TNIP1: variants seen among roughly 807,000 people sequenced by gnomAD.
TNIP1 encodes the protein TNFAIP3-interacting protein 1.
A neutral mutation model predicts 86.6 loss-of-function variants in TNIP1; 22 were observed. The ratio of observed to expected loss-of-function variants is 0.25; its 90% CI spans 0.18 to 0.36. TNIP1 has a LOEUF of 0.36. TNIP1 is among the 10% of genes least tolerant of loss of function. The pLI, the probability that TNIP1 is intolerant of heterozygous loss-of-function variation, is 1.00. For missense variants in TNIP1, 709 were observed against 820.6 expected (o/e 0.86, Z 1.66); for synonymous variants, 294 against 313.0 (o/e 0.94, Z 0.64).
Position 151,063,604 on chromosome 5 carries a change from C to T in TNIP1, c.271+9G>A. Reference sequence around the variant, plus strand: ...GGGAGAGTCAGAGGTACCCAGACTCCTCTTATACCTGTGAGCTCAGCCAGG... The same window carrying T: ...GGGAGAGTCAGAGGTACCCAGACTCTTCTTATACCTGTGAGCTCAGCCAGG... On this transcript the variant is annotated intron_variant, in intron 3 of 17. Transcript: ENST00000521591. The T allele has an allele frequency of 5.6e-6, 9 of 1,613,806 alleles. No individual in the cohort carries two copies. The highest frequency in any genetic ancestry group is 7.6e-6 in the Non-Finnish European group (9 of 1,179,822).
intron 9 of TNIP1, among the ~76,000 whole-genome samples, chr5:151,043,254 G>A (rs1193947180): frequency 2.6e-5 from 4 of 152,168 alleles, no homozygotes; most frequent in African/African-American, 9.7e-5. Context: ...AGGGCAGTCT[G>A]GGATTATGTA....
chr5:151,035,660 C>T lies in TNIP1; in HGVS notation c.1443G>A (p.Glu481=), dbSNP rs1757603416. The T allele has an allele frequency of 6.2e-7, 1 of 1,614,078 alleles. No individual in the cohort carries two copies. Among genetic ancestry groups the T allele is most frequent in the African/African-American group, 1.3e-5 (1 of 74,934 alleles). ...EDFQRERSDR[E]RMNEEKEELK... ...GCTCTTCCTTCTCCTCATTCATGCG[C>T]TCACGATCACTGCGCTCCCTCTGGA... is the stretch of plus-strand genomic sequence containing the variant. Residue 481 remains glutamate (E), a synonymous_variant, in exon 14 of 18, where the codon GAG becomes GAA. Transcript: ENST00000521591.
intron 17 of TNIP1, chr5:151,031,990 T>C (rs1756961239): frequency 6.9e-6 from 2 of 289,586 alleles, no homozygotes; most frequent in Non-Finnish European, 6.4e-6. Context: ...TATTCATTTC[T>C]GCCTCCCTCA....
At chr5:151,033,364 C>T (rs1333289278) in intron 16 of TNIP1, 4 of 381,002 alleles carry the variant, frequency 1.0e-5, no homozygotes, top group Non-Finnish European at 1.9e-5. Flanking sequence ...TGCACTCTTA[C>T]TCAGCCTTCT....
At chr5:151,052,507 C>T (rs906612686) in intron 6 of TNIP1, among the ~76,000 whole-genome samples, 1 of 152,246 alleles carries the variant, frequency 6.6e-6, no homozygotes, top group Non-Finnish European at 1.5e-5. Flanking sequence ...TCCTCCAAGA[C>T]AGACAGCTCC....
chr5:151,048,104 A>G (rs1452160488), intron 8 of TNIP1, among the ~76,000 whole-genome samples: 1 of 152,156 alleles, frequency 6.6e-6, no homozygotes, highest in Non-Finnish European at 1.5e-5. Context: ...GAGAAAGGGG[A>G]CAGACAGGCC....
Position 151,030,728 on chromosome 5 carries a change from A to C in TNIP1, c.1896T>G (p.Arg632=). 2 of 1,611,830 alleles carry C rather than the reference A, an allele frequency of 1.2e-6. No individual in the cohort carries two copies. Among genetic ancestry groups the C allele is most frequent in the Non-Finnish European group, 1.7e-6 (2 of 1,179,324 alleles). ...CAATCTGGTCTCACTGAGGCCCCTC[A>C]CGGTCATTTTTTGGAGACTCTAAAT... is the stretch of plus-strand genomic sequence containing the variant. ...PTEPESPKND[R]EGPQ is the part of the protein sequence containing the mutation. Residue 632 remains arginine (R), a synonymous_variant, in exon 18 of 18, where the codon CGT becomes CGG. Transcript: ENST00000521591.
At chr5:151,043,245 G>C (rs1266892844) in intron 9 of TNIP1, among the ~76,000 whole-genome samples, 1 of 152,188 alleles carries the variant, frequency 6.6e-6, no homozygotes, top group Non-Finnish European at 1.5e-5. Context: ...CCTCTTTGGA[G>C]GGCAGTCTGG....
intron 17 of TNIP1, chr5:151,032,066 C>T (rs1460233420): frequency 1.8e-6 from 1 of 565,900 alleles, no homozygotes; most frequent in Non-Finnish European, 3.1e-6. Flanking sequence ...TCCATAGCAC[C>T]TAGCACAATG....
chr5:151,071,542 G>A (rs1428998999), intron 1 of TNIP1, among the ~76,000 whole-genome samples: 1 of 152,096 alleles, frequency 6.6e-6, no homozygotes, highest in Non-Finnish European at 1.5e-5. Context: ...ACCTTAAGAA[G>A]GCTCCAATCC....
chr5:151,068,973 G>T (rs1762544081), intron 1 of TNIP1, among the ~76,000 whole-genome samples: 1 of 152,244 alleles, frequency 6.6e-6, no homozygotes, highest in Non-Finnish European at 1.5e-5. Context: ...AGCCAGCGGG[G>T]CCTCCACAGC....
intron 9 of TNIP1, among the ~76,000 whole-genome samples, chr5:151,045,329 A>G (rs1759010953): frequency 6.6e-6 from 1 of 152,126 alleles, no homozygotes; most frequent in South Asian, 2.1e-4. Context: ...ACCTCAGGTG[A>G]TCCACCCGCC....
At chr5:151,057,242 C>T (rs1282679729) in intron 5 of TNIP1, among the ~76,000 whole-genome samples, 1 of 152,226 alleles carries the variant, frequency 6.6e-6, no homozygotes, top group Admixed American at 6.5e-5. Flanking sequence ...GTCTGCTGGA[C>T]CTCAGCATCC....
rs1756723972 is a variant in TNIP1 at position 151,030,171 on chromosome 5, GGA to G, written c.*540_*541del. On this transcript the variant is annotated 3_prime_UTR_variant, in exon 18 of 18. Coordinates refer to ENST00000521591, the MANE Select transcript of TNIP1 (RefSeq NM_006058.5). Reference sequence around the variant, plus strand: ...CAGCAAGGCTACTGTGAGTGGTGGTGGAGAGGGCCCCAGAGCCAGAATATCCA... The same window carrying G: ...CAGCAAGGCTACTGTGAGTGGTGGTGGAGGGCCCCAGAGCCAGAATATCCA... 4.4e-6 allele frequency: 2 copies of G among 456,582 alleles called. No homozygotes were observed. Among genetic ancestry groups the G allele is most frequent in the South Asian group, 3.1e-5 (2 of 64,568 alleles). 28.3% of individuals were successfully genotyped at this position (456,582 alleles called of 1,614,324 possible).
At chr5:151,067,759 G>A (rs186744387) in intron 1 of TNIP1, among the ~76,000 whole-genome samples, 105 of 152,292 alleles carry the variant, frequency 6.9e-4, no homozygotes, top group Admixed American at 4.6e-3. Flanking sequence ...CAGACTGAAG[G>A]GAACAAGCCC....
rs766630886 is a variant in TNIP1 at position 151,045,892 on chromosome 5, T to G, written c.905A>C (p.Lys302Thr). 1 of 1,614,090 alleles carries G rather than the reference T, an allele frequency of 6.2e-7. No individual in the cohort carries two copies. The highest frequency in any genetic ancestry group is 2.2e-5 in the East Asian group (1 of 44,878). Reference protein sequence around the residue: ...EVVALGAAEKKVKMLEQQRSE... With the variant: ...EVVALGAAEKTVKMLEQQRSE... ...GCGCTGCTGCTCCAGCATCTTCACCTTCTTCTCGGCTGCGCCCAAGGCCAC... is the reference window on the plus strand; with the variant it reads ...GCGCTGCTGCTCCAGCATCTTCACCGTCTTCTCGGCTGCGCCCAAGGCCAC... The change falls in exon 9 of 18, where the codon AAG becomes ACG. Residue 302 changes from lysine to threonine, a missense_variant. Coordinates refer to ENST00000521591, the MANE Select transcript of TNIP1 (RefSeq NM_006058.5).
intron 1 of TNIP1, among the ~76,000 whole-genome samples, chr5:151,079,809 G>C (rs1204648741): frequency 6.6e-6 from 1 of 152,056 alleles, no homozygotes; most frequent in East Asian, 1.9e-4. Context: ...CCTTTGTCAA[G>C]GATTTTTTTA....
At chr5:151,061,769 C>A (rs1248394157) in intron 4 of TNIP1, among the ~76,000 whole-genome samples, 1 of 152,214 alleles carries the variant, frequency 6.6e-6, no homozygotes, top group Non-Finnish European at 1.5e-5. Context: ...TGAGCCACTG[C>A]GCCCAGCCTG....
intron 11 of TNIP1, among the ~76,000 whole-genome samples, chr5:151,040,453 T>C (rs1003598744): frequency 6.6e-6 from 1 of 152,156 alleles, no homozygotes; most frequent in African/African-American, 2.4e-5. Flanking sequence ...GGACTCCCCA[T>C]CAAGAGGCTC....
Sources: gnomAD v4.1 joint callset for allele counts (sites outside exome capture counted in the v4.1 genomes callset) on GRCh38, gnomAD v4.1.1 for gene constraint, MANE v1.5 for transcripts, NCBI Gene and HGNC (gene_info 2026-07-23, HGNC 2026-07-21) for gene names.